Variants in SLC4A5 observed in about 807,000 individuals in gnomAD.
SLC4A5 encodes the protein solute carrier family 4 member 5, also known as electrogenic sodium bicarbonate cotransporter 4.
In SLC4A5, 96 loss-of-function variants were observed where a neutral mutation model predicts 120.4. The ratio of observed to expected loss-of-function variants is 0.80; its 90% CI spans 0.68 to 0.94. SLC4A5 has a LOEUF of 0.94. Ranked by LOEUF, SLC4A5 falls within the 40% of genes least tolerant of loss-of-function variation. The pLI, the probability that SLC4A5 is intolerant of heterozygous loss-of-function variation, is 0.00. For synonymous variants in SLC4A5, 550 were observed against 571.1 expected (o/e 0.96, Z 0.53); for missense variants, 1,259 against 1,459.5 (o/e 0.86, Z 2.24).
chr2:74,283,031 C>G (rs1031197013), intron 8 of SLC4A5, among the ~76,000 whole-genome samples: 2 of 152,204 alleles, frequency 1.3e-5, no homozygotes, highest in African/African-American at 4.8e-5. Flanking sequence ...GATAGGCATC[C>G]TGGGCTCTGC....
At chr2:74,250,511 G>C (rs375545400) in exon 17 of SLC4A5, 3 of 1,614,000 alleles carry the variant, frequency 1.9e-6, no homozygotes, top group Non-Finnish European at 2.5e-6. Flanking sequence ...ACAGGCCACC[G>C]AAGAACCTGC....
At chr2:74,323,522 C>T (rs956443948) in intron 5 of SLC4A5, among the ~76,000 whole-genome samples, 10 of 151,840 alleles carry the variant, frequency 6.6e-5, no homozygotes, top group Non-Finnish European at 1.5e-5. Context: ...GCTGTGTCCT[C>T]AAAAATCAAT....
intron 4 of SLC4A5, 95 bp downstream of exon 4, chr2:74,333,932 T>C (rs1248784447): frequency 6.6e-6 from 1 of 152,250 alleles, no homozygotes; most frequent in Admixed American, 6.5e-5. Context: ...ACTTAGGCCC[T>C]TGTTAATGGG....
intron 4 of SLC4A5, among the ~76,000 whole-genome samples, chr2:74,333,791 C>G (rs562040696): frequency 2.0e-5 from 3 of 152,182 alleles, no homozygotes; most frequent in Non-Finnish European, 4.4e-5. Flanking sequence ...CATCTCCTGG[C>G]TAAATGCCAT....
chr2:74,322,990 G>T (rs1291753458), intron 5 of SLC4A5, among the ~76,000 whole-genome samples: 2 of 152,168 alleles, frequency 1.3e-5, no homozygotes, highest in Non-Finnish European at 2.9e-5. Flanking sequence ...TGTAATCCCA[G>T]CACTTTGGGA....
exon 16 of SLC4A5, chr2:74,252,203 C>G: frequency 1.1e-5 from 18 of 1,612,898 alleles, no homozygotes; most frequent in Non-Finnish European, 1.5e-5. Flanking sequence ...AAGTTCCTCC[C>G]CGATTTCATG....
At chr2:74,241,734 C>T (rs1386911429) in intron 20 of SLC4A5, among the ~76,000 whole-genome samples, 5 of 136,136 alleles carry the variant, frequency 3.7e-5, no homozygotes, top group Admixed American at 2.2e-4. Flanking sequence ...ACAGTGAGAC[C>T]CTGTCTCAAA....
intron 18 of SLC4A5, among the ~76,000 whole-genome samples, chr2:74,247,743 G>A (rs964085411): frequency 6.6e-6 from 1 of 152,014 alleles, no homozygotes; most frequent in Non-Finnish European, 1.5e-5. Context: ...TCAAATTCCT[G>A]ACCTCAGGTG....
At chr2:74,300,130 GT>G (rs1307229495) in intron 7 of SLC4A5, among the ~76,000 whole-genome samples, 1 of 152,234 alleles carries the variant, frequency 6.6e-6, no homozygotes, top group Admixed American at 6.5e-5. Flanking sequence ...ACTATTGCAT[GT>G]TCTCATTTAT....
chr2:74,264,229 G>A (rs1671230280), exon 10 of SLC4A5: 13 of 1,614,116 alleles, frequency 8.1e-6, no homozygotes, highest in East Asian at 2.2e-5. Flanking sequence ...TCCTCAGGAG[G>A]ACGTAACTGA....
intron 5 of SLC4A5, among the ~76,000 whole-genome samples, chr2:74,315,719 A>G (rs1200715305): frequency 1.3e-5 from 2 of 151,838 alleles, no homozygotes; most frequent in Non-Finnish European, 2.9e-5. Context: ...ATACAAGCCC[A>G]GAAGTTTGAG....
At chr2:74,321,880 A>G (rs1170102525) in intron 5 of SLC4A5, among the ~76,000 whole-genome samples, 1 of 151,974 alleles carries the variant, frequency 6.6e-6, no homozygotes, top group Admixed American at 6.6e-5. Context: ...TGAGTTTAGG[A>G]ATAGTCATGT....
At chr2:74,296,135 GTTT>G (rs1672316890) in intron 7 of SLC4A5, among the ~76,000 whole-genome samples, 1 of 151,998 alleles carries the variant, frequency 6.6e-6, no homozygotes, top group Non-Finnish European at 1.5e-5. Context: ...CTTGAGTTTT[GTTT>G]TTGTTTTTTA....
chr2:74,229,258 T>G (rs28665037), intron 25 of SLC4A5, among the ~76,000 whole-genome samples: 18 of 128,002 alleles, frequency 1.4e-4, no homozygotes, highest in African/African-American at 3.0e-4. Context: ...TTTTTTTTTT[T>G]TGGGGGGGGC....
At chr2:74,331,619 G>A (rs1169152078) in intron 4 of SLC4A5, among the ~76,000 whole-genome samples, 1 of 151,912 alleles carries the variant, frequency 6.6e-6, no homozygotes, top group East Asian at 1.9e-4. Flanking sequence ...TGGTACCTTT[G>A]GGAAATCACC....
intron 7 of SLC4A5, among the ~76,000 whole-genome samples, chr2:74,289,253 A>T (rs1672082474): frequency 6.6e-6 from 1 of 152,248 alleles, no homozygotes. Context: ...CTAGCAGAAC[A>T]CACTATTATC....
chr2:74,244,464 C>T (rs1313553103), intron 19 of SLC4A5, among the ~76,000 whole-genome samples: 3 of 76,700 alleles, frequency 3.9e-5, no homozygotes, highest in African/African-American at 8.8e-5. Flanking sequence ...CCTTCCTTTT[C>T]TTTCTCTTTC....
At chr2:74,310,936 CTT>C (rs1004124079) in intron 6 of SLC4A5, among the ~76,000 whole-genome samples, 6 of 136,996 alleles carry the variant, frequency 4.4e-5, no homozygotes, top group South Asian at 2.3e-4. Flanking sequence ...GCCTGTTGCT[CTT>C]TTTTTTTTTT....
At chr2:74,307,504 C>G in intron 6 of SLC4A5, 1 of 617,934 alleles carries the variant, frequency 1.6e-6, no homozygotes, top group Admixed American at 1.9e-5. Context: ...ATGGCCAGCT[C>G]TGTCTCATAG....
Sources: allele counts gnomAD v4.1 joint callset (sites outside exome capture counted in the v4.1 genomes callset), GRCh38; gene constraint gnomAD v4.1.1; transcripts MANE v1.5; gene names NCBI Gene and HGNC (gene_info 2026-07-23, HGNC 2026-07-21).